The following GAB2 variants were observed in gnomAD, a reference collection of about 807,000 sequenced individuals.
GAB2 encodes GRB2-associated-binding protein 2.
Under a neutral mutation model 65.5 loss-of-function variants are expected in GAB2, and 26 were observed. That is an observed-to-expected ratio of 0.40 (90% CI 0.29 to 0.55). The LOEUF is 0.55. Among genes scored for constraint, GAB2 ranks in the 20% least tolerant of loss-of-function variants. The probability of loss-of-function intolerance (pLI) is 0.53; values close to 1 mark genes in which losing one functional copy is unlikely to be tolerated. For missense variants in GAB2, 884 were observed against 875.8 expected (o/e 1.01, Z -0.12); for synonymous variants, 321 against 329.6 (o/e 0.97, Z 0.28).
intron 1 of GAB2, among the ~76,000 whole-genome samples, chr11:78,359,627 C>T (rs754598776): frequency 7.2e-5 from 11 of 152,054 alleles, no homozygotes; most frequent in Middle Eastern, 3.2e-3. Flanking sequence ...AAAACAAAGA[C>T]GAGCACAGAT....
chr11:78,219,848 A>G (rs1215039981), intron 9 of GAB2, among the ~76,000 whole-genome samples: 1 of 152,174 alleles, frequency 6.6e-6, no homozygotes, highest in African/African-American at 2.4e-5. Context: ...GCTGAGGCAC[A>G]GCTCTGCACC....
At position 78,406,812 on chromosome 11, in the gene GAB2, T is replaced by TA. The variant is rs542106200; in HGVS notation, c.75+10833dup. 1.2e-3 allele frequency among the ~76,000 whole-genome samples: 185 copies of TA among 152,234 alleles called. 1 individual carries two copies. The highest frequency in any genetic ancestry group is 2.0e-3 in the Non-Finnish European group (134 of 68,018). On this transcript the variant is annotated intron_variant, in intron 1 of 9. Coordinates refer to ENST00000361507, the MANE Select transcript of GAB2 (RefSeq NM_080491.3). ...TTTCAAAGATTTTAAAGAGTCATCATAAAAATGCAGGTACAAACATGCTTG... is the reference window on the plus strand; with the variant it reads ...TTTCAAAGATTTTAAAGAGTCATCATAAAAAATGCAGGTACAAACATGCTTG...
intron 2 of GAB2, among the ~76,000 whole-genome samples, chr11:78,274,350 C>T (rs1252921067): frequency 6.6e-6 from 1 of 152,106 alleles, no homozygotes; most frequent in Non-Finnish European, 1.5e-5. Context: ...AAAGAGGCTC[C>T]ACATATGATG....
intron 1 of GAB2, among the ~76,000 whole-genome samples, chr11:78,326,997 G>T (rs532311919): frequency 2.0e-5 from 3 of 152,302 alleles, no homozygotes; most frequent in East Asian, 1.9e-4. Context: ...TTTGAGCAAA[G>T]ATCCCATTTA....
At chr11:78,385,357 A>G (rs559477608) in intron 1 of GAB2, among the ~76,000 whole-genome samples, 71 of 152,370 alleles carry the variant, frequency 4.7e-4, no homozygotes, top group African/African-American at 1.7e-3. Flanking sequence ...ATTAAGCACC[A>G]GAGAATTCAC....
chr11:78,224,670 C>T (rs574596510), intron 5 of GAB2, among the ~76,000 whole-genome samples: 2 of 152,324 alleles, frequency 1.3e-5, no homozygotes, highest in Admixed American at 6.5e-5. Context: ...CGGTTAGCAT[C>T]TTCCAGAGGG....
At chr11:78,221,221 G>A (rs1457263683) in intron 8 of GAB2, among the ~76,000 whole-genome samples, 3 of 152,222 alleles carry the variant, frequency 2.0e-5, no homozygotes, top group Non-Finnish European at 4.4e-5. Flanking sequence ...TGACTACCAG[G>A]TGCTGGGCAG....
At chr11:78,239,460 C>T (rs898837374) in intron 3 of GAB2, among the ~76,000 whole-genome samples, 1 of 152,116 alleles carries the variant, frequency 6.6e-6, no homozygotes, top group Non-Finnish European at 1.5e-5. Flanking sequence ...ACCTCGTGAT[C>T]CACCTGCCTC....
At chr11:78,401,727 C>A (rs1856976210) in intron 1 of GAB2, among the ~76,000 whole-genome samples, 1 of 152,062 alleles carries the variant, frequency 6.6e-6, no homozygotes. Context: ...TATGAACACA[C>A]ACATATCACA....
chr11:78,291,056 A>G (rs1446842636), intron 1 of GAB2, among the ~76,000 whole-genome samples: 1 of 149,858 alleles, frequency 6.7e-6, no homozygotes, highest in Admixed American at 6.7e-5. Context: ...CTGTGTTCCA[A>G]TAAAACTGCT....
rs1864431903 is a variant in GAB2 at position 78,221,687 on chromosome 11, T to C, written c.1751A>G (p.Tyr584Cys). The change falls in exon 8 of 10, where the codon TAT becomes TGT. Residue 584 changes from tyrosine to cysteine, a missense_variant. Coordinates refer to ENST00000361507, the MANE Select transcript of GAB2 (RefSeq NM_080491.3). ...STDSGDSEEN[Y>C]VPMQNPVSAS... The stretch of plus-strand genomic sequence containing the variant: ...GCCCGAAGGACTCACCATAGGGACA[T>C]AGTTCTCTTCGCTGTCTCCTGAGTC... 6.2e-7 allele frequency: 1 copy of C among 1,609,918 alleles called. No individual in the cohort carries two copies. Among genetic ancestry groups the C allele is most frequent in the Non-Finnish European group, 8.5e-7 (1 of 1,176,416 alleles).
intron 1 of GAB2, among the ~76,000 whole-genome samples, chr11:78,370,201 G>A (rs1856548964): frequency 6.8e-6 from 1 of 147,336 alleles, no homozygotes; most frequent in Non-Finnish European, 1.5e-5. Flanking sequence ...AGCTTGCAGT[G>A]AGCTGAGATC....
rs1864588194 is a variant in GAB2, at chr11:78,225,121, A to G, written c.1289T>C (p.Val430Ala). Residue 430 changes from valine (V) to alanine (A), a missense_variant, in exon 5 of 10, where the codon GTT becomes GCT. Physicochemically the swap from Val to Ala is moderately conservative, Grantham distance 64 (BLOSUM62 0). Transcript: ENST00000361507. ...ACCCACACTCACCAGGAAAGAGCCA[A>G]CTCCATCACTCATGGATTCAGCAGA... ...GRSAESMSDG[V>A]GSFLPGKMIV... The G allele has an allele frequency of 6.2e-7, 1 of 1,611,576 alleles. No individual in the cohort carries two copies. The highest frequency in any genetic ancestry group is 2.2e-5 in the East Asian group (1 of 44,832).
At chr11:78,219,743 G>A (rs1433196800) in intron 9 of GAB2, among the ~76,000 whole-genome samples, 1 of 152,138 alleles carries the variant, frequency 6.6e-6, no homozygotes, top group Non-Finnish European at 1.5e-5. Context: ...CTGTCAGGTC[G>A]CTCATCCAGG....
chr11:78,343,158 C>A (rs1226481975), intron 1 of GAB2, among the ~76,000 whole-genome samples: 1 of 152,084 alleles, frequency 6.6e-6, no homozygotes, highest in Non-Finnish European at 1.5e-5. Context: ...AATTCATAAT[C>A]TGAACAGTTT....
intron 1 of GAB2, among the ~76,000 whole-genome samples, chr11:78,404,814 G>T (rs1294737280): frequency 6.6e-6 from 1 of 152,200 alleles, no homozygotes; most frequent in Non-Finnish European, 1.5e-5. Flanking sequence ...AATACAGTTA[G>T]AAGAACTAAG....
intron 1 of GAB2, among the ~76,000 whole-genome samples, chr11:78,315,561 C>A (rs903743048): frequency 6.6e-6 from 1 of 152,080 alleles, no homozygotes; most frequent in African/African-American, 2.4e-5. Context: ...AAATGATAAA[C>A]CTCTCAGAAG....
intron 2 of GAB2, among the ~76,000 whole-genome samples, chr11:78,256,151 T>C (rs1466321938): frequency 6.6e-6 from 1 of 152,150 alleles, no homozygotes; most frequent in Admixed American, 6.5e-5. Context: ...AGCCAAAAAA[T>C]GGAAACAACC....
At chr11:78,284,716 C>T (rs755488050) in intron 1 of GAB2, among the ~76,000 whole-genome samples, 6 of 152,094 alleles carry the variant, frequency 3.9e-5, no homozygotes, top group Non-Finnish European at 8.8e-5. Context: ...CCCTGCTTTA[C>T]TGGTCTCACA....
Sources: gnomAD v4.1 joint callset for allele counts (sites outside exome capture counted in the v4.1 genomes callset) on GRCh38, gnomAD v4.1.1 for gene constraint, MANE v1.5 for transcripts, NCBI Gene and HGNC (gene_info 2026-07-23, HGNC 2026-07-21) for gene names.